Variants in POU2F1 observed in about 807,000 individuals in gnomAD.
The protein encoded by POU2F1 is POU domain, class 2, transcription factor 1.
A neutral mutation model predicts 84.9 loss-of-function variants in POU2F1; 16 were observed. The ratio of observed to expected loss-of-function variants is 0.19; its 90% confidence interval spans 0.13 to 0.29. The LOEUF (loss-of-function observed/expected upper bound fraction) is 0.29, where lower values mean the gene tolerates loss of function less well. POU2F1 is among the 10% of genes least tolerant of loss of function. POU2F1 has a pLI of 1.00. For missense variants in POU2F1, 738 were observed against 942.6 expected, an observed-to-expected ratio of 0.78 and a Z score of 2.84; for synonymous variants, 368 against 368.3, an observed-to-expected ratio of 1.00 and a Z score of 0.01.
At position 167,355,652 on chromosome 1, in the gene POU2F1, C is replaced by T. The variant is rs185687254; in HGVS notation, c.128-9815C>T. Reference sequence around the variant, plus strand: ...ATTGAGCTGGCATCTGTCTATACAACTGGCATACTATAATAACTGCACATT... The same window carrying T: ...ATTGAGCTGGCATCTGTCTATACAATTGGCATACTATAATAACTGCACATT... On this transcript the variant is annotated intron_variant, in intron 2 of 15. Transcript: ENST00000367866. Among the ~76,000 whole-genome samples, 61 of 152,300 alleles carry T rather than the reference C, an allele frequency of 4.0e-4. 1 individual carries two copies. In the East Asian group the frequency reaches 0.011, roughly 26 times the overall value.
At chr1:167,249,154 A>G (rs753697034) in intron 1 of POU2F1, among the ~76,000 whole-genome samples, 2 of 152,194 alleles carry the variant, frequency 1.3e-5, no homozygotes, top group Admixed American at 6.5e-5. Flanking sequence ...CTGCCTCTGT[A>G]AGAATGTTTG....
At chr1:167,228,424 A>C (rs1193376276) in intron 1 of POU2F1, among the ~76,000 whole-genome samples, 1 of 152,204 alleles carries the variant, frequency 6.6e-6, no homozygotes, top group Admixed American at 6.5e-5. Flanking sequence ...ACCTCAAGAG[A>C]CTTCCAGTCT....
At chr1:167,393,655 A>G (rs1648588046) in intron 9 of POU2F1, among the ~76,000 whole-genome samples, 1 of 152,098 alleles carries the variant, frequency 6.6e-6, no homozygotes, top group Non-Finnish European at 1.5e-5. Context: ...CATGCACCAC[A>G]CACAGCTAAT....
intron 1 of POU2F1, among the ~76,000 whole-genome samples, chr1:167,319,709 C>T (rs111996301): frequency 0.057 from 8,589 of 151,760 alleles, 761 homozygotes; most frequent in African/African-American, 0.19. Flanking sequence ...TCCTGATTGG[C>T]ATGTAGCCCA....
chr1:167,295,985 T>C (rs983493053), intron 1 of POU2F1, among the ~76,000 whole-genome samples: 3 of 152,130 alleles, frequency 2.0e-5, no homozygotes, highest in African/African-American at 7.2e-5. Flanking sequence ...TAAAAATCTT[T>C]AAAATTTTTA....
At chr1:167,236,257 C>T (rs1219541667) in intron 1 of POU2F1, among the ~76,000 whole-genome samples, 1 of 151,902 alleles carries the variant, frequency 6.6e-6, no homozygotes, top group Non-Finnish European at 1.5e-5. Context: ...CGCCTGCCAC[C>T]ATGCCTGGCC....
chr1:167,364,299 G>C (rs1571374603), intron 2 of POU2F1, among the ~76,000 whole-genome samples: 1 of 152,014 alleles, frequency 6.6e-6, no homozygotes, highest in East Asian at 2.0e-4. Flanking sequence ...GGGAGGCCGA[G>C]GCGGGCGGAT....
chr1:167,282,445 A>G (rs1052177402), intron 1 of POU2F1, among the ~76,000 whole-genome samples: 1 of 152,194 alleles, frequency 6.6e-6, no homozygotes, highest in Non-Finnish European at 1.5e-5. Flanking sequence ...CGCCTGGCCA[A>G]AAATTTTTAA....
intron 13 of POU2F1, among the ~76,000 whole-genome samples, chr1:167,408,670 A>G (rs1234819195): frequency 6.6e-6 from 1 of 152,232 alleles, no homozygotes; most frequent in East Asian, 1.9e-4. Context: ...AGAGACAAAA[A>G]GCAGATAACT....
At chr1:167,307,312 A>C (rs1655137896) in intron 1 of POU2F1, among the ~76,000 whole-genome samples, 1 of 152,204 alleles carries the variant, frequency 6.6e-6, no homozygotes, top group East Asian at 1.9e-4. Context: ...TGAAATGTCC[A>C]TCAGAATACT....
At chr1:167,410,359 A>G (rs1295739279) in intron 13 of POU2F1, among the ~76,000 whole-genome samples, 2 of 152,186 alleles carry the variant, frequency 1.3e-5, no homozygotes, top group African/African-American at 4.8e-5. Flanking sequence ...AGTGGAAGTG[A>G]GAGTTCAATT....
chr1:167,233,317 T>C (rs1649206443), intron 1 of POU2F1, among the ~76,000 whole-genome samples: 1 of 151,610 alleles, frequency 6.6e-6, no homozygotes. Context: ...TTTTTTTTTT[T>C]TGTAGAGACG....
intron 7 of POU2F1, among the ~76,000 whole-genome samples, chr1:167,378,790 G>T (rs1571403398): frequency 6.6e-6 from 1 of 151,906 alleles, no homozygotes; most frequent in East Asian, 1.9e-4. Flanking sequence ...TTGTTTGTTT[G>T]TTTTTGAGAT....
At chr1:167,396,517 A>G (rs1308267605) in intron 10 of POU2F1, 90 bp downstream of exon 10, 58 of 1,356,222 alleles carry the variant, frequency 4.3e-5, no homozygotes, top group South Asian at 1.1e-4. Context: ...TTCTTACTCT[A>G]TTTTTGTTGT....
intron 1 of POU2F1, among the ~76,000 whole-genome samples, chr1:167,232,009 C>T (rs1649101388): frequency 6.6e-6 from 1 of 152,198 alleles, no homozygotes; most frequent in Non-Finnish European, 1.5e-5. Context: ...TCCCCCAACA[C>T]ACACACACCA....
intron 2 of POU2F1, among the ~76,000 whole-genome samples, chr1:167,364,807 C>G (rs1021359614): frequency 6.6e-6 from 1 of 151,874 alleles, no homozygotes; most frequent in African/African-American, 2.4e-5. Context: ...GAGCTCAAGC[C>G]ATCTACCCAC....
chr1:167,266,014 G>T (rs905938511), intron 1 of POU2F1, among the ~76,000 whole-genome samples: 1 of 152,220 alleles, frequency 6.6e-6, no homozygotes, highest in Non-Finnish European at 1.5e-5. Context: ...TAGAATGGTT[G>T]CACTTTTAAA....
chr1:167,321,210 A>G (rs1294653181), intron 1 of POU2F1, among the ~76,000 whole-genome samples: 1 of 152,238 alleles, frequency 6.6e-6, no homozygotes, highest in Non-Finnish European at 1.5e-5. Flanking sequence ...TTTTACGAGT[A>G]GGTTCAATTG....
At chr1:167,221,825 CT>C (rs930135453) in intron 1 of POU2F1, among the ~76,000 whole-genome samples, 11 of 151,900 alleles carry the variant, frequency 7.2e-5, no homozygotes, top group Non-Finnish European at 7.4e-5. Context: ...CGTGCCCCCC[CT>C]GGGGGGTGGA....
Sources: gnomAD v4.1 joint callset for allele counts (sites outside exome capture counted in the v4.1 genomes callset) on GRCh38, gnomAD v4.1.1 for gene constraint, MANE v1.5 for transcripts, NCBI Gene and HGNC (gene_info 2026-07-23, HGNC 2026-07-21) for gene names.